Variants in ENPP2 observed in about 807,000 individuals in gnomAD.
The protein encoded by ENPP2 is autotaxin.
Under a neutral mutation model 120.2 loss-of-function variants are expected in ENPP2, and 51 were observed. The ratio of observed to expected loss-of-function variants is 0.42; its 90% CI spans 0.34 to 0.54. ENPP2 has a LOEUF of 0.54. ENPP2 is among the 20% of genes least tolerant of loss of function. ENPP2 has a pLI of 0.04. For synonymous variants in ENPP2, 365 were observed against 366.4 expected (o/e 1.00, Z 0.04); for missense variants, 920 against 1,066.5 (o/e 0.86, Z 1.91).
intron 24 of ENPP2, among the ~76,000 whole-genome samples, chr8:119,561,890 G>A (rs1242784004): frequency 6.6e-6 from 1 of 152,086 alleles, no homozygotes; most frequent in Non-Finnish European, 1.5e-5. Flanking sequence ...TGTAATCCCA[G>A]CACTTTGGGA....
intron 1 of ENPP2, among the ~76,000 whole-genome samples, chr8:119,658,996 T>A (rs1459258199): frequency 6.6e-6 from 1 of 152,014 alleles, no homozygotes. Context: ...TCTACCTCCA[T>A]CCCTCCCCAA....
At chr8:119,580,231 G>A (rs1812638108) in intron 18 of ENPP2, 64 bp from the exon 19 acceptor site, 13 of 1,322,640 alleles carry the variant, frequency 9.8e-6, no homozygotes, top group Middle Eastern at 1.8e-4. Context: ...TTCCCTCTGT[G>A]CCCTTCTGTC....
In ENPP2 at chr8:119,617,187, G is replaced by A. The variant is rs143729694; in HGVS notation, c.634C>T (p.Pro212Ser). Residue 212 changes from proline to serine, a missense_variant, in exon 7 of 25, where the codon CCT becomes TCT. Transcript: ENST00000075322. ...MRPVYPTKTF[P>S]NLYTLATGLY... ...ACAGTGGCCAAAGTGTATAAGTTAG[G>A]AAAGGTTTTAGTTGGGTACACCGGC... 10 of 1,612,990 alleles carry A rather than the reference G, an allele frequency of 6.2e-6. No individual in the cohort carries two copies. The highest frequency in any genetic ancestry group is 1.3e-5 in the African/African-American group (1 of 74,898).
rs866060422 is a variant in ENPP2, at chr8:119,629,391, T to C, written c.137-2671A>G. On this transcript the variant is annotated intron_variant, in intron 2 of 24. Transcript: ENST00000075322. ...TCATTTTTTATAATTCATGTTTTAC[T>C]TTTAAAATCAAGAAAAAGCAAGAAG... Among the ~76,000 whole-genome samples the C allele has an allele frequency of 3.9e-5, 6 of 152,360 alleles. No homozygotes were observed. In the South Asian group the frequency reaches 1.2e-3, roughly 32 times the overall value.
chr8:119,596,993 G>T (rs887080847), intron 11 of ENPP2, among the ~76,000 whole-genome samples: 4 of 152,112 alleles, frequency 2.6e-5, no homozygotes, highest in Non-Finnish European at 4.4e-5. Context: ...TTCTCTCGGA[G>T]GGTGGGTGGG....
chr8:119,625,610 C>T (rs936829252), intron 3 of ENPP2, among the ~76,000 whole-genome samples: 1 of 152,132 alleles, frequency 6.6e-6, no homozygotes, highest in Non-Finnish European at 1.5e-5. Context: ...AAATAACCTG[C>T]CAAGGAAACC....
chr8:119,632,112 T>A (rs1816723239), intron 2 of ENPP2, among the ~76,000 whole-genome samples: 1 of 152,232 alleles, frequency 6.6e-6, no homozygotes, highest in African/African-American at 2.4e-5. Context: ...TTATCCGATT[T>A]GTTAGAAGTC....
chr8:119,581,363 C>T (rs1812722777), intron 18 of ENPP2, among the ~76,000 whole-genome samples: 1 of 152,242 alleles, frequency 6.6e-6, no homozygotes, highest in East Asian at 1.9e-4. Flanking sequence ...CTCCCACACC[C>T]TGCTCTGTGG....
Position 119,617,490 on chromosome 8 carries a change from C to A in ENPP2, c.553G>T (p.Val185Phe), listed in dbSNP as rs755542454. The change falls in exon 6 of 25, where the codon GTC becomes TTC. Residue 185 changes from valine to phenylalanine, a missense_variant. By Grantham distance (50) the Val-to-Phe change is conservative (BLOSUM62 -1). Transcript: ENST00000075322. The stretch of plus-strand genomic sequence containing the variant: ...CTTAGTTTTTCAATATTAGGCATGA[C>A]TTTGCTGCCTTTCTTCATGTATGAT... Reference protein sequence around the residue: ...RASYMKKGSKVMPNIEKLRSC... With the variant: ...RASYMKKGSKFMPNIEKLRSC... 2 of 1,612,330 alleles carry A rather than the reference C, an allele frequency of 1.2e-6. No homozygotes were observed. The highest frequency in any genetic ancestry group is 3.3e-5 in the Admixed American group (2 of 59,986).
At chr8:119,644,596 A>G (rs1224055006) in intron 1 of ENPP2, among the ~76,000 whole-genome samples, 2,383 of 86,050 alleles carry the variant, frequency 0.028, 34 homozygotes, top group African/African-American at 0.032. Context: ...AAATATATAT[A>G]TATATATATA....
At chr8:119,637,900 AT>A (rs1425664547) in intron 2 of ENPP2, among the ~76,000 whole-genome samples, 1 of 152,222 alleles carries the variant, frequency 6.6e-6, no homozygotes, top group African/African-American at 2.4e-5. Context: ...ATGAGGACAA[AT>A]CAATCCTGAA....
intron 4 of ENPP2, among the ~76,000 whole-genome samples, chr8:119,620,119 A>G (rs1490528114): frequency 1.3e-5 from 2 of 152,244 alleles, no homozygotes; most frequent in Non-Finnish European, 2.9e-5. Context: ...GCTCCTTAAA[A>G]TAAAGAAGAT....
intron 2 of ENPP2, among the ~76,000 whole-genome samples, chr8:119,634,248 T>C (rs897266589): frequency 2.0e-5 from 3 of 151,718 alleles, no homozygotes; most frequent in Non-Finnish European, 4.4e-5. Context: ...TGTCCTCATA[T>C]AGAGCTCACA....
intron 3 of ENPP2, among the ~76,000 whole-genome samples, chr8:119,626,161 C>A (rs1170774161): frequency 6.6e-6 from 1 of 152,054 alleles, no homozygotes; most frequent in African/African-American, 2.4e-5. Flanking sequence ...AGTTCAAGAC[C>A]AACCTGACCA....
intron 20 of ENPP2, among the ~76,000 whole-genome samples, chr8:119,570,299 C>T (rs1461529521): frequency 8.3e-6 from 1 of 120,032 alleles, no homozygotes; most frequent in Non-Finnish European, 1.7e-5. Flanking sequence ...AAAACAGATG[C>T]TGATAGTGGG....
chr8:119,661,167 G>A (rs1191873216), intron 1 of ENPP2, among the ~76,000 whole-genome samples: 3 of 152,040 alleles, frequency 2.0e-5, no homozygotes, highest in Non-Finnish European at 4.4e-5. Flanking sequence ...GGCCTGTTGG[G>A]GGCTGAGGGG....
In ENPP2 at chr8:119,605,428, ATATGTGTGTG is replaced by A. The variant is rs1315609993; in HGVS notation, c.833+2484_833+2493del. 5.2e-5 allele frequency among the ~76,000 whole-genome samples: 7 copies of A among 135,462 alleles called. No homozygotes were observed. The East Asian group carries it at 8.8e-4, about 17-fold the overall frequency. 88.9% of individuals were successfully genotyped at this position (135,462 alleles called of 152,430 possible). A position where few individuals can be genotyped will look rare whatever the true frequency, so the allele number is the denominator to read the frequency against. ...CAACATCCCATGATGAAGATACCATATATGTGTGTGTGTGTGTGTGTGTGTGTGTGTGTGT... is the reference window on the plus strand; with the variant it reads ...CAACATCCCATGATGAAGATACCATATGTGTGTGTGTGTGTGTGTGTGTGT... On this transcript the variant is annotated intron_variant, in intron 9 of 24. Transcript: ENST00000075322.
chr8:119,636,047 A>G (rs1237410048), intron 2 of ENPP2, among the ~76,000 whole-genome samples: 2 of 152,050 alleles, frequency 1.3e-5, no homozygotes, highest in Non-Finnish European at 2.9e-5. Context: ...TGTTCCTTCT[A>G]TTTGTTGCAC....
At chr8:119,594,941 GT>G (rs1293978337) in intron 11 of ENPP2, among the ~76,000 whole-genome samples, 5 of 152,078 alleles carry the variant, frequency 3.3e-5, no homozygotes, top group African/African-American at 9.7e-5. Flanking sequence ...GTAAACTTTT[GT>G]TTTTTTCTTC....
Sources: gnomAD v4.1 joint callset for allele counts (sites outside exome capture counted in the v4.1 genomes callset) on GRCh38, gnomAD v4.1.1 for gene constraint, MANE v1.5 for transcripts, NCBI Gene and HGNC (gene_info 2026-07-23, HGNC 2026-07-21) for gene names.